HS6ST3: variants seen among roughly 807,000 people sequenced by gnomAD.
HS6ST3 encodes the protein heparan-sulfate 6-O-sulfotransferase 3.
HS6ST3 carries 12 observed loss-of-function variants against 36.7 expected under a neutral mutation model. That is an observed-to-expected ratio of 0.33 (90% confidence interval 0.21 to 0.53). HS6ST3 has a LOEUF of 0.53. Among genes scored for constraint, HS6ST3 ranks in the 20% least tolerant of loss-of-function variants. HS6ST3 has a pLI of 0.95. For missense variants in HS6ST3, 584 were observed against 640.9 expected, an observed-to-expected ratio of 0.91 and a Z score of 0.96; for synonymous variants, 240 against 257.5, an observed-to-expected ratio of 0.93 and a Z score of 0.65.
At chr13:96,625,767 A>G (rs2138997653) in intron 1 of HS6ST3, among the ~76,000 whole-genome samples, 1 of 151,804 alleles carries the variant, frequency 6.6e-6, no homozygotes, top group Admixed American at 6.6e-5. Flanking sequence ...TATGAGTTGC[A>G]AAGAACTTGT....
chr13:96,300,347 A>G (rs1200250681), intron 1 of HS6ST3, among the ~76,000 whole-genome samples: 1 of 151,858 alleles, frequency 6.6e-6, no homozygotes, highest in Non-Finnish European at 1.5e-5. Context: ...GTGAGCCACC[A>G]CACCTGGCCG....
At chr13:96,168,844 GT>G (rs1168698771) in intron 1 of HS6ST3, among the ~76,000 whole-genome samples, 2 of 152,082 alleles carry the variant, frequency 1.3e-5, no homozygotes, top group African/African-American at 4.8e-5. Context: ...TAATGGTGAG[GT>G]TTGGGCTTCT....
intron 1 of HS6ST3, among the ~76,000 whole-genome samples, chr13:96,356,689 T>C (rs1313186052): frequency 6.6e-6 from 1 of 152,154 alleles, no homozygotes; most frequent in Non-Finnish European, 1.5e-5. Flanking sequence ...ACAGGTAGAG[T>C]AGATTTAGCA....
intron 1 of HS6ST3, among the ~76,000 whole-genome samples, chr13:96,191,970 T>G (rs1041687840): frequency 3.3e-5 from 5 of 152,184 alleles, no homozygotes; most frequent in Non-Finnish European, 7.3e-5. Flanking sequence ...ATAGGCAGCT[T>G]AGTGCAGTGG....
chr13:96,470,305 T>C (rs2055834345), intron 1 of HS6ST3, among the ~76,000 whole-genome samples: 1 of 152,186 alleles, frequency 6.6e-6, no homozygotes, highest in Non-Finnish European at 1.5e-5. Context: ...CCTTTAAGGA[T>C]GGCAAAGCAT....
chr13:96,819,626 C>A (rs529539165), intron 1 of HS6ST3, among the ~76,000 whole-genome samples: 1 of 152,116 alleles, frequency 6.6e-6, no homozygotes. Flanking sequence ...ATCATAAGCA[C>A]CTCGCATAGT....
chr13:96,193,436 G>A (rs1484638683), intron 1 of HS6ST3, among the ~76,000 whole-genome samples: 3 of 152,264 alleles, frequency 2.0e-5, no homozygotes, highest in South Asian at 2.1e-4. Flanking sequence ...TAAAGGCAGA[G>A]GAAAAGAAAA....
intron 1 of HS6ST3, among the ~76,000 whole-genome samples, chr13:96,423,266 C>T (rs2055570023): frequency 6.6e-6 from 1 of 152,100 alleles, no homozygotes; most frequent in South Asian, 2.1e-4. Flanking sequence ...TTCATGCATT[C>T]ATTCCAAACA....
At chr13:96,204,251 A>G (rs2054357753) in intron 1 of HS6ST3, among the ~76,000 whole-genome samples, 1 of 152,198 alleles carries the variant, frequency 6.6e-6, no homozygotes, top group African/African-American at 2.4e-5. Flanking sequence ...CAAAACAGAC[A>G]AAGAAGAGCA....
intron 1 of HS6ST3, among the ~76,000 whole-genome samples, chr13:96,497,463 T>C (rs913392492): frequency 3.3e-5 from 5 of 152,170 alleles, no homozygotes; most frequent in Admixed American, 6.5e-5. Context: ...CCTATGTATA[T>C]GCCAAATCAA....
In HS6ST3 at chr13:96,682,546, C is replaced by T. The variant is rs191381796; in HGVS notation, c.708-149944C>T. 5.3e-5 allele frequency among the ~76,000 whole-genome samples: 8 copies of T among 152,228 alleles called. No homozygotes were observed. The East Asian group carries it at 1.2e-3, about 22-fold the overall frequency. Reference sequence around the variant, plus strand: ...TTGACTCCAAAGGCCACCAGTGAGTCTTAGGAAACTGAACACAGTGGACTA... The same window carrying T: ...TTGACTCCAAAGGCCACCAGTGAGTTTTAGGAAACTGAACACAGTGGACTA... On this transcript the variant is annotated intron_variant, in intron 1 of 1. Coordinates refer to ENST00000376705, the MANE Select transcript of HS6ST3 (RefSeq NM_153456.4).
intron 1 of HS6ST3, among the ~76,000 whole-genome samples, chr13:96,402,308 T>C (rs972242870): frequency 6.6e-6 from 1 of 152,210 alleles, no homozygotes; most frequent in Admixed American, 6.5e-5. Context: ...AAAATTGTAA[T>C]GAGGATTAAG....
At chr13:96,675,774 C>T (rs2056697024) in intron 1 of HS6ST3, among the ~76,000 whole-genome samples, 1 of 152,188 alleles carries the variant, frequency 6.6e-6, no homozygotes, top group Non-Finnish European at 1.5e-5. Flanking sequence ...CAGCCTGAGG[C>T]AGCTTGAAGT....
At chr13:96,616,342 C>T (rs1331681410) in intron 1 of HS6ST3, among the ~76,000 whole-genome samples, 1 of 152,146 alleles carries the variant, frequency 6.6e-6, no homozygotes, top group Admixed American at 6.5e-5. Context: ...CTTTCTTTTA[C>T]ATTCTCTTGG....
At chr13:96,529,440 G>T (rs1052831964) in intron 1 of HS6ST3, among the ~76,000 whole-genome samples, 25 of 152,050 alleles carry the variant, frequency 1.6e-4, no homozygotes, top group Admixed American at 1.6e-3. Context: ...GGTAGAACCT[G>T]AAATTTACTG....
At chr13:96,781,533 G>A (rs188244558) in intron 1 of HS6ST3, among the ~76,000 whole-genome samples, 6 of 152,302 alleles carry the variant, frequency 3.9e-5, no homozygotes. Context: ...ATATTCAGTA[G>A]CTGTATCTTC....
intron 1 of HS6ST3, among the ~76,000 whole-genome samples, chr13:96,659,594 G>A (rs1157004731): frequency 6.6e-6 from 1 of 151,890 alleles, no homozygotes; most frequent in East Asian, 1.9e-4. Flanking sequence ...GAAGATATAT[G>A]TTTTCTACTA....
intron 1 of HS6ST3, among the ~76,000 whole-genome samples, chr13:96,334,567 G>C (rs2055090159): frequency 6.6e-6 from 1 of 152,166 alleles, no homozygotes. Context: ...ATTCCATATG[G>C]CTGGGGAGGC....
At chr13:96,459,100 T>TTAAAAAAAAAAAA (rs1467397692) in intron 1 of HS6ST3, among the ~76,000 whole-genome samples, 1 of 63,884 alleles carries the variant, frequency 1.6e-5, no homozygotes, top group African/African-American at 9.0e-5. Context: ...CAAGACTGTC[T>TTAAAAAAAAAAAA]AAAAAAAAAA....
Sources: allele counts gnomAD v4.1 joint callset (sites outside exome capture counted in the v4.1 genomes callset), GRCh38; gene constraint gnomAD v4.1.1; transcripts MANE v1.5; gene names NCBI Gene and HGNC (gene_info 2026-07-23, HGNC 2026-07-21).